The following SV2C variants were observed in gnomAD, a reference collection of about 807,000 sequenced individuals.
SV2C encodes synaptic vesicle glycoprotein 2C, also known as solute carrier family 22 member B3.
SV2C carries 49 observed loss-of-function variants against 79.7 expected under a neutral mutation model. The observed-to-expected ratio is 0.61, with a 90% confidence interval of 0.49 to 0.78. SV2C has a LOEUF of 0.78. SV2C is among the 30% of genes least tolerant of loss of function. The pLI, the probability that SV2C is intolerant of heterozygous loss-of-function variation, is 0.00. For synonymous variants in SV2C, 334 were observed against 333.2 expected (o/e 1.00, Z -0.03); for missense variants, 833 against 912.9 (o/e 0.91, Z 1.13).
At chr5:76,146,224 A>G (rs1749415197) in intron 2 of SV2C, among the ~76,000 whole-genome samples, 1 of 152,134 alleles carries the variant, frequency 6.6e-6, no homozygotes, top group Admixed American at 6.6e-5. Flanking sequence ...CCTGATCCAG[A>G]CCCCTAGAGA....
At position 76,194,911 on chromosome 5, in the gene SV2C, T is replaced by C. The variant is rs776103900; in HGVS notation, c.581-8T>C. 6.2e-7 allele frequency: 1 copy of C among 1,612,920 alleles called. No homozygotes were observed. On this transcript the variant is annotated splice_polypyrimidine_tract_variant and splice_region_variant and intron_variant, in intron 2 of 12. Transcript: ENST00000502798. ...CTGATGTGTTTCTTTGTTTTCTGTG[T>C]GTTGCAGGCAGCATAGTGTACCTCG...
rs762537711 is a variant in SV2C at position 76,285,210 on chromosome 5, T to A, written c.962T>A (p.Val321Glu). 1.2e-5 allele frequency: 20 copies of A among 1,614,090 alleles called. No homozygotes were observed. Among genetic ancestry groups the A allele is most frequent in the East Asian group, 2.2e-5 (1 of 44,906 alleles). The change falls in exon 5 of 13, where the codon GTG becomes GAG. Residue 321 changes from valine to glutamate, a missense_variant. By Grantham distance (121) the Val-to-Glu change is moderately radical (BLOSUM62 -2). Transcript: ENST00000502798. ...GCCTACCAGTTTCACAGTTGGCGTG[T>A]GTTTGTCATCGTCTGTGCACTCCCC... ...GSAYQFHSWR[V>E]FVIVCALPCV...
chr5:76,336,081 CGGCTGGCCGGGCGGGGGTCT>C (rs1749316093), downstream of SV2C, among the ~76,000 whole-genome samples: 1 of 65,378 alleles, frequency 1.5e-5, no homozygotes, highest in Non-Finnish European at 4.9e-5. Context: ...CCGGACGGGG[CGGCTGGCCGGGCGGGGGTCT>C]GACCCCCCCC....
intron 4 of SV2C, among the ~76,000 whole-genome samples, chr5:76,235,167 A>G (rs922267173): frequency 1.6e-5 from 2 of 128,020 alleles, no homozygotes; most frequent in Non-Finnish European, 3.2e-5. Flanking sequence ...AGAATTATCC[A>G]TGGAGAAAAG....
chr5:76,117,845 A>G (rs1340015863), intron 1 of SV2C, among the ~76,000 whole-genome samples: 1 of 152,192 alleles, frequency 6.6e-6, no homozygotes, highest in African/African-American at 2.4e-5. Context: ...ACTTACAACA[A>G]AGCAGAAAAC....
chr5:76,273,883 G>C (rs561120318), intron 4 of SV2C, among the ~76,000 whole-genome samples: 1 of 152,284 alleles, frequency 6.6e-6, no homozygotes, highest in Non-Finnish European at 1.5e-5. Context: ...TGGCAATAGC[G>C]TTCACAGGAT....
At chr5:76,087,902 A>G (rs955641150) in intron 1 of SV2C, among the ~76,000 whole-genome samples, 1 of 152,228 alleles carries the variant, frequency 6.6e-6, no homozygotes, top group Non-Finnish European at 1.5e-5. Flanking sequence ...GAATGACTCC[A>G]TGGAGACAGT....
the SV2C span, among the ~76,000 whole-genome samples, chr5:75,965,877 G>C: frequency 6.6e-6 from 1 of 151,954 alleles, no homozygotes; most frequent in African/African-American, 2.4e-5. Flanking sequence ...AATTTTACTT[G>C]GCTACCAAAA....
intron 2 of SV2C, among the ~76,000 whole-genome samples, chr5:76,186,978 A>G (rs1057492348): frequency 7.9e-5 from 12 of 152,214 alleles, no homozygotes; most frequent in African/African-American, 2.9e-4. Context: ...GTGGGGACAC[A>G]GAGCCAGAGC....
At chr5:75,923,861 A>G in the SV2C span, among the ~76,000 whole-genome samples, 2 of 152,222 alleles carry the variant, frequency 1.3e-5, no homozygotes, top group Admixed American at 1.3e-4. Flanking sequence ...GAGTCCTTAA[A>G]GAACTAAAAG....
the SV2C span, among the ~76,000 whole-genome samples, chr5:75,899,135 T>C: frequency 0.026 from 4,025 of 152,280 alleles, 174 homozygotes; most frequent in African/African-American, 0.092. Flanking sequence ...TGCTCTTGCT[T>C]TTCTAGTTCT....
the SV2C span, among the ~76,000 whole-genome samples, chr5:76,016,813 A>G: frequency 1.3e-5 from 2 of 152,188 alleles, no homozygotes; most frequent in Admixed American, 6.5e-5. Flanking sequence ...TCCTTTCATA[A>G]TTGCCATTAT....
chr5:76,271,086 A>T (rs1409139920), intron 4 of SV2C, among the ~76,000 whole-genome samples: 1 of 152,164 alleles, frequency 6.6e-6, no homozygotes, highest in African/African-American at 2.4e-5. Context: ...TATGATTTTT[A>T]AAAGTGAAAT....
chr5:76,269,396 G>T (rs537703586), intron 4 of SV2C, among the ~76,000 whole-genome samples: 2 of 152,154 alleles, frequency 1.3e-5, no homozygotes, highest in African/African-American at 4.8e-5. Flanking sequence ...CACTAAAAAC[G>T]AATTTTTATC....
chr5:76,059,675 T>C, the SV2C span, among the ~76,000 whole-genome samples: 2 of 152,142 alleles, frequency 1.3e-5, no homozygotes, highest in East Asian at 3.9e-4. Context: ...TCCATGAGAG[T>C]TGGCATCAAT....
At chr5:76,040,317 C>A in the SV2C span, among the ~76,000 whole-genome samples, 3 of 152,204 alleles carry the variant, frequency 2.0e-5, no homozygotes, top group East Asian at 5.8e-4. Context: ...GTTAAAAAGT[C>A]ATCTGCTATC....
intron 4 of SV2C, among the ~76,000 whole-genome samples, chr5:76,235,730 A>G (rs1745589922): frequency 6.6e-6 from 1 of 152,086 alleles, no homozygotes; most frequent in African/African-American, 2.4e-5. Flanking sequence ...CTGTGGACTC[A>G]TTTTCAGATC....
the SV2C span, among the ~76,000 whole-genome samples, chr5:75,898,282 T>A: frequency 6.6e-6 from 1 of 152,208 alleles, no homozygotes; most frequent in African/African-American, 2.4e-5. Context: ...GCATGAAGAT[T>A]GTTGAATTTT....
the SV2C span, chr5:75,921,163 G>A: frequency 2.2e-6 from 2 of 915,074 alleles, no homozygotes; most frequent in East Asian, 4.8e-5. Flanking sequence ...GCAAGTTGTT[G>A]GAGATGTACT....
Sources: allele counts gnomAD v4.1 joint callset (sites outside exome capture counted in the v4.1 genomes callset), GRCh38; gene constraint gnomAD v4.1.1; transcripts MANE v1.5; gene names NCBI Gene and HGNC (gene_info 2026-07-23, HGNC 2026-07-21).